MLIP: variants seen among roughly 807,000 people sequenced by gnomAD.
MLIP encodes the protein muscular LMNA-interacting protein.
In MLIP, 79 loss-of-function variants were observed where a neutral mutation model predicts 84.8. The ratio of observed to expected loss-of-function variants is 0.93; its 90% CI spans 0.78 to 1.12. MLIP has a LOEUF of 1.12. MLIP is among the 50% of genes most tolerant of loss of function. The probability of loss-of-function intolerance (pLI) is 0.00; values close to 1 mark genes in which losing one functional copy is unlikely to be tolerated. For synonymous variants in MLIP, 504 were observed against 463.0 expected (o/e 1.09, Z -1.14); for missense variants, 1,257 against 1,160.6 (o/e 1.08, Z -1.21).
At chr6:54,042,623 T>C (rs1764810231) in intron 1 of MLIP, among the ~76,000 whole-genome samples, 2 of 152,124 alleles carry the variant, frequency 1.3e-5, no homozygotes, top group Admixed American at 6.6e-5. Context: ...TGACATGAAC[T>C]AAGCATGTTG....
chr6:54,177,549 T>G (rs1776416293), intron 9 of MLIP, among the ~76,000 whole-genome samples: 1 of 152,150 alleles, frequency 6.6e-6, no homozygotes, highest in Admixed American at 6.6e-5. Context: ...AAACAACAGA[T>G]GCTGGTGAGG....
At chr6:54,124,352 G>C in intron 2 of MLIP, 121 bp from the exon 3 acceptor site, 1 of 948,346 alleles carries the variant, frequency 1.1e-6, no homozygotes, top group South Asian at 2.1e-5. Context: ...TCTTTCTTAT[G>C]TCAACCTAAT....
At chr6:54,155,624 A>T (rs1030884795) in intron 5 of MLIP, among the ~76,000 whole-genome samples, 1 of 152,106 alleles carries the variant, frequency 6.6e-6, no homozygotes, top group Non-Finnish European at 1.5e-5. Context: ...CATATATTTG[A>T]CTAAAAAGTG....
chr6:54,148,991 T>G (rs1372458443), intron 4 of MLIP, 65 bp from the exon 5 acceptor site: 1 of 1,370,880 alleles, frequency 7.3e-7, no homozygotes, highest in African/African-American at 1.4e-5. Flanking sequence ...TAGAACTGTC[T>G]GAAAATTATG....
chr6:54,020,892 A>G (rs1183184175), intron 1 of MLIP, among the ~76,000 whole-genome samples: 2 of 152,196 alleles, frequency 1.3e-5, no homozygotes, highest in Non-Finnish European at 2.9e-5. Context: ...GGTGGCAGGA[A>G]CACATGAAAG....
At chr6:54,209,339 A>T (rs1444001621) in intron 11 of MLIP, among the ~76,000 whole-genome samples, 3 of 152,242 alleles carry the variant, frequency 2.0e-5, no homozygotes, top group Non-Finnish European at 4.4e-5. Flanking sequence ...TAAGAGAAGC[A>T]AAGAGCTAAA....
intron 1 of MLIP, among the ~76,000 whole-genome samples, chr6:54,036,509 A>C (rs1261034446): frequency 6.6e-6 from 1 of 152,016 alleles, no homozygotes; most frequent in Non-Finnish European, 1.5e-5. Flanking sequence ...TTGTTCTTTC[A>C]CACAATAGCT....
At chr6:54,023,380 T>C (rs932165821) in intron 1 of MLIP, among the ~76,000 whole-genome samples, 17 of 151,734 alleles carry the variant, frequency 1.1e-4, no homozygotes, top group Non-Finnish European at 2.1e-4. Context: ...ATATATCTAA[T>C]ATAAGGAGCT....
chr6:54,216,771 A>G, intron 11 of MLIP: 1 of 985,452 alleles, frequency 1.0e-6, no homozygotes, highest in South Asian at 4.7e-5. Context: ...TGGGTTTCTA[A>G]GCAAGAAGAT....
chr6:54,222,470 T>C (rs1388768970), intron 11 of MLIP, among the ~76,000 whole-genome samples: 2 of 152,070 alleles, frequency 1.3e-5, no homozygotes, highest in Non-Finnish European at 2.9e-5. Context: ...AATGCACTAT[T>C]TGTCTTTCTG....
intron 9 of MLIP, among the ~76,000 whole-genome samples, chr6:54,188,686 A>T (rs1385814615): frequency 6.6e-6 from 1 of 152,152 alleles, no homozygotes; most frequent in Non-Finnish European, 1.5e-5. Flanking sequence ...CAATAACTAG[A>T]GCTTAGATAT....
chr6:54,083,700 C>A, intron 1 of MLIP: 1 of 1,426,668 alleles, frequency 7.0e-7, no homozygotes, highest in Non-Finnish European at 9.5e-7. Context: ...TGTGTACTGT[C>A]TTTGTATTTC....
intron 12 of MLIP, among the ~76,000 whole-genome samples, chr6:54,238,686 C>A (rs774059126): frequency 2.0e-5 from 3 of 152,152 alleles, no homozygotes; most frequent in Non-Finnish European, 4.4e-5. Flanking sequence ...ATTTCCTAAG[C>A]AAGAAGGCTC....
intron 5 of MLIP, among the ~76,000 whole-genome samples, chr6:54,151,637 G>C (rs1461601489): frequency 2.0e-5 from 3 of 152,118 alleles, no homozygotes; most frequent in Non-Finnish European, 4.4e-5. Context: ...TAGGGTCCAT[G>C]CTGTGGAATG....
At chr6:54,088,594 A>G (rs673471) in intron 1 of MLIP, among the ~76,000 whole-genome samples, 124,561 of 152,108 alleles carry the variant, frequency 0.82, 52,304 homozygotes, top group East Asian at 0.96. Flanking sequence ...AACTTTGGTG[A>G]CCGTTGTTTA....
chr6:54,160,791 A>C lies in MLIP; in HGVS notation c.2491A>C (p.Thr831Pro). The change falls in exon 8 of 14, where the codon ACA (threonine) becomes CCA (proline). Residue 831 changes from threonine (T) to proline (P), a missense_variant. Transcript: ENST00000502396. ...RSPKTLLGSDTVKTPTTLPRA... is the reference protein window; with the variant it reads ...RSPKTLLGSDPVKTPTTLPRA... ...CCCAAAGACATTGTTGGGTTCTGAC[A>C]CAGTCAAAGTATGTATGTATTTAAT... 1 of 1,605,810 alleles carries C rather than the reference A, an allele frequency of 6.2e-7. No individual in the cohort carries two copies. Among genetic ancestry groups the C allele is most frequent in the Non-Finnish European group, 8.5e-7 (1 of 1,173,508 alleles).
At chr6:54,233,039 G>A (rs958979773) in intron 12 of MLIP, among the ~76,000 whole-genome samples, 2 of 152,174 alleles carry the variant, frequency 1.3e-5, no homozygotes, top group Admixed American at 6.5e-5. Flanking sequence ...ACTTTCAAGA[G>A]GGAACTTTAT....
intron 3 of MLIP, among the ~76,000 whole-genome samples, chr6:54,126,557 C>A (rs1276607693): frequency 6.6e-6 from 1 of 151,372 alleles, no homozygotes; most frequent in Admixed American, 6.6e-5. Flanking sequence ...ATTATTTGAA[C>A]AATTACCATT....
intron 1 of MLIP, among the ~76,000 whole-genome samples, chr6:54,117,819 G>A (rs1197923538): frequency 2.6e-5 from 4 of 151,766 alleles, no homozygotes; most frequent in Non-Finnish European, 4.4e-5. Context: ...GTTGGCGGGC[G>A]CCTGTAGTCC....
Sources: gnomAD v4.1 joint callset for allele counts (sites outside exome capture counted in the v4.1 genomes callset) on GRCh38, gnomAD v4.1.1 for gene constraint, MANE v1.5 for transcripts, NCBI Gene and HGNC (gene_info 2026-07-23, HGNC 2026-07-21) for gene names.